CCDC85A: variants seen among roughly 807,000 people sequenced by gnomAD.
CCDC85A encodes the protein coiled-coil domain containing 85A, also known as coiled-coil domain-containing protein 85A.
Under a neutral mutation model 50.2 loss-of-function variants are expected in CCDC85A, and 38 were observed. That is an observed-to-expected ratio of 0.76 (90% CI 0.58 to 0.99). The LOEUF is 0.99. CCDC85A is among the 50% of genes least tolerant of loss of function. The pLI is 0.00. For missense variants in CCDC85A, 820 were observed against 742.0 expected, an observed-to-expected ratio of 1.11 and a Z score of -1.22; for synonymous variants, 366 against 301.4, an observed-to-expected ratio of 1.21 and a Z score of -2.22.
intron 2 of CCDC85A, among the ~76,000 whole-genome samples, chr2:56,316,668 G>A (rs1672936795): frequency 6.6e-6 from 1 of 152,030 alleles, no homozygotes. Flanking sequence ...AAAAAGTGTT[G>A]AGAAATTTTT....
chr2:56,352,067 T>C (rs1674976666), intron 3 of CCDC85A, among the ~76,000 whole-genome samples: 1 of 152,180 alleles, frequency 6.6e-6, no homozygotes, highest in South Asian at 2.1e-4. Context: ...TACAAGGAGA[T>C]TTAGGCACTT....
intron 2 of CCDC85A, among the ~76,000 whole-genome samples, chr2:56,312,799 C>T (rs949799661): frequency 6.6e-6 from 1 of 152,060 alleles, no homozygotes; most frequent in Non-Finnish European, 1.5e-5. Flanking sequence ...TATTCAGCAC[C>T]TATTATGTAC....
At chr2:56,253,185 C>T (rs1669842935) in intron 2 of CCDC85A, among the ~76,000 whole-genome samples, 1 of 152,196 alleles carries the variant, frequency 6.6e-6, no homozygotes, top group African/African-American at 2.4e-5. Context: ...CCAGAAGCCC[C>T]CTCTTGTTTT....
chr2:56,202,659 G>C (rs1676793412), intron 2 of CCDC85A, among the ~76,000 whole-genome samples: 3 of 152,216 alleles, frequency 2.0e-5, no homozygotes, highest in Admixed American at 6.5e-5. Flanking sequence ...CAGTTATTCT[G>C]ATTTATGCTA....
intron 3 of CCDC85A, among the ~76,000 whole-genome samples, chr2:56,361,338 A>T (rs1362342455): frequency 1.3e-5 from 2 of 151,980 alleles, no homozygotes; most frequent in Non-Finnish European, 2.9e-5. Context: ...TTAATCTTTT[A>T]CCCCTTGAAT....
In CCDC85A at chr2:56,184,248, G is replaced by C. The variant is rs1675890961; in HGVS notation, c.-377G>C. On this transcript the variant is annotated 5_prime_UTR_variant, in exon 1 of 6. Coordinates refer to ENST00000407595, the MANE Select transcript of CCDC85A (RefSeq NM_001080433.2). ...GTGCAGGGCAGAGAGTGCGGGGGGCGACAGTCTCGGCTTAGGGCGGAGGAG... is the reference window on the plus strand; with the variant it reads ...GTGCAGGGCAGAGAGTGCGGGGGGCCACAGTCTCGGCTTAGGGCGGAGGAG... 1.1e-5 allele frequency: 10 copies of C among 943,210 alleles called. No individual in the cohort carries two copies. The highest frequency in any genetic ancestry group is 1.3e-5 in the Non-Finnish European group (10 of 781,744). 58.4% of individuals were successfully genotyped at this position (943,210 alleles called of 1,614,324 possible).
intron 2 of CCDC85A, among the ~76,000 whole-genome samples, chr2:56,233,756 C>T (rs1016669783): frequency 2.0e-5 from 3 of 152,164 alleles, no homozygotes; most frequent in African/African-American, 7.2e-5. Context: ...CTGAGAATGG[C>T]CTCTGTAACC....
chr2:56,344,819 T>C (rs954143598), intron 3 of CCDC85A, among the ~76,000 whole-genome samples: 1 of 151,950 alleles, frequency 6.6e-6, no homozygotes, highest in Non-Finnish European at 1.5e-5. Context: ...CGACTGGGAA[T>C]GTAAAAGAAA....
chr2:56,302,186 G>A (rs1672240724), intron 2 of CCDC85A, among the ~76,000 whole-genome samples: 1 of 152,140 alleles, frequency 6.6e-6, no homozygotes, highest in African/African-American at 2.4e-5. Flanking sequence ...AACCTGGGAG[G>A]CAGAGGTTGC....
intron 2 of CCDC85A, among the ~76,000 whole-genome samples, chr2:56,217,249 C>T (rs1399359173): frequency 6.6e-6 from 1 of 151,902 alleles, no homozygotes; most frequent in Non-Finnish European, 1.5e-5. Context: ...CCTCTTGTCC[C>T]CAGATATACA....
At chr2:56,349,328 A>G (rs1674786983) in intron 3 of CCDC85A, among the ~76,000 whole-genome samples, 1 of 152,184 alleles carries the variant, frequency 6.6e-6, no homozygotes, top group Admixed American at 6.5e-5. Flanking sequence ...TGTGTAGTTC[A>G]ATAGAGCTTT....
intron 2 of CCDC85A, among the ~76,000 whole-genome samples, chr2:56,309,836 G>C (rs1415541901): frequency 6.6e-6 from 1 of 152,170 alleles, no homozygotes; most frequent in Non-Finnish European, 1.5e-5. Context: ...GAGGCTGGCT[G>C]CATCACAGCA....
At chr2:56,269,855 A>T (rs569460156) in intron 2 of CCDC85A, among the ~76,000 whole-genome samples, 110 of 152,284 alleles carry the variant, frequency 7.2e-4, no homozygotes, top group Non-Finnish European at 1.1e-3. Context: ...TCCATTTCGA[A>T]AAATAGCGCT....
chr2:56,383,745 A>G (rs1034741956), intron 5 of CCDC85A: 2 of 984,988 alleles, frequency 2.0e-6, no homozygotes, highest in African/African-American at 3.5e-5. Context: ...ATAGCTCAAT[A>G]ACAAAAGCTC....
At chr2:56,304,755 T>C (rs1054947867) in intron 2 of CCDC85A, among the ~76,000 whole-genome samples, 4 of 151,932 alleles carry the variant, frequency 2.6e-5, no homozygotes, top group African/African-American at 9.7e-5. Context: ...ACAATAAAAC[T>C]GTATGGGATA....
chr2:56,191,618 G>A lies in CCDC85A; in HGVS notation c.277-859G>A, dbSNP rs114270405. On this transcript the variant is annotated intron_variant, in intron 1 of 5. Coordinates refer to ENST00000407595, the MANE Select transcript of CCDC85A (RefSeq NM_001080433.2). ...AGGTTGAAGGAGAAGGAGATGCCAG[G>A]GATGACCCCAGGTTCATATAAAGAA... Among the ~76,000 whole-genome samples, 238 of 152,322 alleles carry A rather than the reference G, an allele frequency of 1.6e-3. 1 individual carries two copies. Among genetic ancestry groups the A allele is most frequent in the African/African-American group, 5.4e-3 (224 of 41,570 alleles).
intron 3 of CCDC85A, among the ~76,000 whole-genome samples, chr2:56,346,778 A>G (rs892004299): frequency 6.6e-6 from 1 of 152,200 alleles, no homozygotes; most frequent in African/African-American, 2.4e-5. Flanking sequence ...ACATGAACAA[A>G]TGGGAACATT....
chr2:56,298,891 A>G (rs13416192), intron 2 of CCDC85A, among the ~76,000 whole-genome samples: 22,119 of 152,078 alleles, frequency 0.15, 1,845 homozygotes, highest in East Asian at 0.33. Context: ...GCCTGGGAGG[A>G]GGCTGAGACA....
chr2:56,350,866 T>G (rs1674892473), intron 3 of CCDC85A, among the ~76,000 whole-genome samples: 1 of 150,588 alleles, frequency 6.6e-6, no homozygotes, highest in Admixed American at 6.6e-5. Flanking sequence ...TTTATTATTA[T>G]TATACTTTAA....
Sources: gnomAD v4.1 joint callset for allele counts (sites outside exome capture counted in the v4.1 genomes callset) on GRCh38, gnomAD v4.1.1 for gene constraint, MANE v1.5 for transcripts, NCBI Gene and HGNC (gene_info 2026-07-23, HGNC 2026-07-21) for gene names.